The following MSRA variants were observed in gnomAD, a reference collection of about 807,000 sequenced individuals.
MSRA encodes the protein methionine sulfoxide reductase A.
Under a neutral mutation model 31.3 loss-of-function variants are expected in MSRA, and 54 were observed. The ratio of observed to expected loss-of-function variants is 1.73; its 90% confidence interval spans 1.39 to 2.17. MSRA has a LOEUF of 2.17. Ranked by LOEUF, MSRA falls within the 30% of genes most tolerant of loss-of-function variation. The pLI, the probability that MSRA is intolerant of heterozygous loss-of-function variation, is 0.00. For missense variants in MSRA, 507 were observed against 300.9 expected (o/e 1.69, Z -5.07); for synonymous variants, 169 against 116.5 (o/e 1.45, Z -2.90).
At chr8:10,289,590 T>C (rs377428536) in intron 3 of MSRA, among the ~76,000 whole-genome samples, 4 of 152,226 alleles carry the variant, frequency 2.6e-5, no homozygotes, top group African/African-American at 9.6e-5. Flanking sequence ...TGTTGTGCTA[T>C]CAAATGGTAT....
At chr8:10,169,239 T>C (rs1178530077) in intron 1 of MSRA, among the ~76,000 whole-genome samples, 1 of 152,154 alleles carries the variant, frequency 6.6e-6, no homozygotes, top group Non-Finnish European at 1.5e-5. Flanking sequence ...ATTTACACAA[T>C]AGGAAAATTG....
chr8:10,185,257 G>A (rs1337447332), intron 1 of MSRA, among the ~76,000 whole-genome samples: 1 of 152,148 alleles, frequency 6.6e-6, no homozygotes, highest in Non-Finnish European at 1.5e-5. Flanking sequence ...CTGGGGCTTG[G>A]CAGTCATTAG....
chr8:10,416,175 A>G lies in MSRA; in HGVS notation c.544-11973A>G, dbSNP rs995521987. Among the ~76,000 whole-genome samples the G allele has an allele frequency of 3.9e-5, 6 of 151,972 alleles. No homozygotes were observed. In the South Asian group the frequency reaches 1.2e-3, roughly 32 times the overall value. On this transcript the variant is annotated intron_variant, in intron 5 of 5. Coordinates refer to ENST00000317173, the MANE Select transcript of MSRA (RefSeq NM_012331.5). ...ATTGCCCGTACACTCTTCTGAGAGC[A>G]CCTCGCGGGCAGGGCTTGTGCTGTT...
chr8:10,369,988 G>C (rs1009670670), intron 5 of MSRA, among the ~76,000 whole-genome samples: 1 of 152,196 alleles, frequency 6.6e-6, no homozygotes, highest in Non-Finnish European at 1.5e-5. Context: ...CACTTGGCAT[G>C]CATGTTCTGT....
At chr8:10,118,072 G>T (rs759748383) in intron 1 of MSRA, among the ~76,000 whole-genome samples, 2 of 152,200 alleles carry the variant, frequency 1.3e-5, no homozygotes, top group African/African-American at 2.4e-5. Context: ...AGGTTTTGGC[G>T]ATTTTCTTTT....
At chr8:10,319,857 ACCCT>A in intron 4 of MSRA, 22 bp from the exon 5 acceptor site, 1 of 1,432,028 alleles carries the variant, frequency 7.0e-7, no homozygotes, top group Non-Finnish European at 9.4e-7. Context: ...TGACCGGGTA[ACCCT>A]CCCTGTTTTC....
At chr8:10,135,655 G>T (rs1187478549) in intron 1 of MSRA, among the ~76,000 whole-genome samples, 2 of 152,204 alleles carry the variant, frequency 1.3e-5, no homozygotes, top group African/African-American at 2.4e-5. Context: ...GCAACATTCT[G>T]TGCATTCGCG....
intron 3 of MSRA, among the ~76,000 whole-genome samples, chr8:10,257,517 C>G (rs1563277488): frequency 6.6e-6 from 1 of 152,178 alleles, no homozygotes; most frequent in African/African-American, 2.4e-5. Flanking sequence ...AGCGATTCTC[C>G]TGCCTCAGCC....
intron 1 of MSRA, among the ~76,000 whole-genome samples, chr8:10,060,842 A>G (rs1349802247): frequency 6.6e-6 from 1 of 152,184 alleles, no homozygotes; most frequent in East Asian, 1.9e-4. Flanking sequence ...CATTTATACA[A>G]AGAACAGATC....
At chr8:10,218,249 C>T (rs148259564) in intron 2 of MSRA, among the ~76,000 whole-genome samples, 5 of 151,730 alleles carry the variant, frequency 3.3e-5, no homozygotes, top group African/African-American at 1.2e-4. Context: ...CAGGTTCAAG[C>T]GATTCTTTTC....
intron 3 of MSRA, among the ~76,000 whole-genome samples, chr8:10,262,212 A>G (rs973036059): frequency 6.6e-6 from 1 of 152,254 alleles, no homozygotes; most frequent in African/African-American, 2.4e-5. Flanking sequence ...TTATGTGCAC[A>G]TAAGTTTTTA....
At chr8:10,366,133 C>G (rs1485225781) in intron 5 of MSRA, among the ~76,000 whole-genome samples, 5 of 152,208 alleles carry the variant, frequency 3.3e-5, no homozygotes, top group Non-Finnish European at 7.3e-5. Flanking sequence ...GCCATTTTAT[C>G]TGGACGGCTT....
chr8:10,223,393 A>G (rs1009646904), intron 2 of MSRA, among the ~76,000 whole-genome samples: 6 of 152,226 alleles, frequency 3.9e-5, no homozygotes, highest in Non-Finnish European at 7.3e-5. Flanking sequence ...CAGTGCTTGA[A>G]ATAAGACTAT....
intron 5 of MSRA, among the ~76,000 whole-genome samples, chr8:10,404,015 G>A (rs1020163698): frequency 6.6e-6 from 1 of 152,212 alleles, no homozygotes; most frequent in Non-Finnish European, 1.5e-5. Flanking sequence ...GTTGCTCACT[G>A]TAGGAAAGAT....
chr8:10,127,001 G>T (rs1271315116), intron 1 of MSRA, among the ~76,000 whole-genome samples: 1 of 152,202 alleles, frequency 6.6e-6, no homozygotes, highest in East Asian at 1.9e-4. Flanking sequence ...CCACAGCCTG[G>T]TCCACTAGCT....
chr8:10,406,757 A>G lies in MSRA; in HGVS notation c.544-21391A>G, dbSNP rs1401808136. 2.6e-5 allele frequency among the ~76,000 whole-genome samples: 4 copies of G among 152,238 alleles called. No homozygotes were observed. In the East Asian group the frequency reaches 7.7e-4, roughly 29 times the overall value. ...ATTTCTCCAAAAAGTGCAATTTTCCATATTTCTGAAAAGTCATGTTGTTTG... is the reference window on the plus strand; with the variant it reads ...ATTTCTCCAAAAAGTGCAATTTTCCGTATTTCTGAAAAGTCATGTTGTTTG... On this transcript the variant is annotated intron_variant, in intron 5 of 5. Coordinates refer to ENST00000317173, the MANE Select transcript of MSRA (RefSeq NM_012331.5).
At chr8:10,168,346 T>C (rs986548690) in intron 1 of MSRA, among the ~76,000 whole-genome samples, 1 of 152,220 alleles carries the variant, frequency 6.6e-6, no homozygotes, top group South Asian at 2.1e-4. Context: ...TGTATTATCC[T>C]GGTCTTCCAC....
At chr8:10,323,745 C>CGTGTGTGTGTGTGT (rs10643873) in intron 5 of MSRA, among the ~76,000 whole-genome samples, 14,364 of 142,478 alleles carry the variant, frequency 0.1, 991 homozygotes, top group Admixed American at 0.2. Flanking sequence ...GAATTAAATA[C>CGTGTGTGTGTGTGT]GTGTGTGTGT....
chr8:10,112,074 AATAG>A lies in MSRA; in HGVS notation c.142+57421_142+57424del, dbSNP rs1349396977. Among the ~76,000 whole-genome samples, 13 of 148,290 alleles carry A rather than the reference AATAG, an allele frequency of 8.8e-5. No individual in the cohort carries two copies. In the East Asian group the frequency reaches 2.7e-3, roughly 30 times the overall value. On this transcript the variant is annotated intron_variant, in intron 1 of 5. Coordinates refer to ENST00000317173, the MANE Select transcript of MSRA (RefSeq NM_012331.5). ...GTTTTAAATTCCATTTGTTAATCCTAATAGATAGTCTTTGTTCTCTAATTTTGTA... is the reference window on the plus strand; with the variant it reads ...GTTTTAAATTCCATTTGTTAATCCTAATAGTCTTTGTTCTCTAATTTTGTA...
Sources: gnomAD v4.1 joint callset for allele counts (sites outside exome capture counted in the v4.1 genomes callset) on GRCh38, gnomAD v4.1.1 for gene constraint, MANE v1.5 for transcripts, NCBI Gene and HGNC (gene_info 2026-07-23, HGNC 2026-07-21) for gene names.